Variants in CNBD1 observed in about 807,000 individuals in gnomAD.
CNBD1 encodes cyclic nucleotide-binding domain-containing protein 1.
In CNBD1, 71 loss-of-function variants were observed where a neutral mutation model predicts 54.4. The ratio of observed to expected loss-of-function variants is 1.30; its 90% CI spans 1.08 to 1.59. CNBD1 has a LOEUF of 1.59. Ranked by LOEUF, CNBD1 falls within the 40% of genes most tolerant of loss-of-function variation. CNBD1 has a pLI of 0.00. For synonymous variants in CNBD1, 182 were observed against 170.7 expected (o/e 1.07, Z -0.51); for missense variants, 659 against 518.0 (o/e 1.27, Z -2.64).
intron 4 of CNBD1, among the ~76,000 whole-genome samples, chr8:87,067,225 A>G (rs1810672824): frequency 6.6e-6 from 1 of 151,982 alleles, no homozygotes; most frequent in Non-Finnish European, 1.5e-5. Flanking sequence ...TTAAATATTG[A>G]CAATTTGACC....
intron 4 of CNBD1, among the ~76,000 whole-genome samples, chr8:87,170,380 T>C (rs1482733635): frequency 6.6e-6 from 1 of 152,162 alleles, no homozygotes; most frequent in Non-Finnish European, 1.5e-5. Context: ...TAATTTGACT[T>C]CTTCCTTTTC....
At chr8:87,345,554 C>A (rs1040842705) in intron 8 of CNBD1, among the ~76,000 whole-genome samples, 2 of 152,090 alleles carry the variant, frequency 1.3e-5, no homozygotes, top group African/African-American at 2.4e-5. Flanking sequence ...ACTACATCAA[C>A]AAGAATCAAT....
At chr8:87,082,096 C>T (rs1811006933) in intron 4 of CNBD1, among the ~76,000 whole-genome samples, 1 of 152,212 alleles carries the variant, frequency 6.6e-6, no homozygotes, top group Non-Finnish European at 1.5e-5. Context: ...TGCACGTATA[C>T]ATCCAGATGA....
At chr8:87,204,032 G>T (rs1298639388) in intron 4 of CNBD1, among the ~76,000 whole-genome samples, 1 of 152,156 alleles carries the variant, frequency 6.6e-6, no homozygotes, top group African/African-American at 2.4e-5. Flanking sequence ...GGGAGGTTTT[G>T]TCTTATCTTT....
At chr8:87,368,252 G>C (rs906907851) in intron 10 of CNBD1, among the ~76,000 whole-genome samples, 1 of 151,920 alleles carries the variant, frequency 6.6e-6, no homozygotes, top group African/African-American at 2.4e-5. Context: ...GTAGAAATTT[G>C]TTCTTGATTG....
chr8:87,086,733 TA>T (rs2043128562), intron 4 of CNBD1, among the ~76,000 whole-genome samples: 2 of 152,330 alleles, frequency 1.3e-5, no homozygotes, highest in Non-Finnish European at 2.9e-5. Context: ...ATACAAATGA[TA>T]AAATTGATTT....
chr8:87,399,664 A>T (rs762649076), intron 2 of CNBD1, among the ~76,000 whole-genome samples: 1 of 151,954 alleles, frequency 6.6e-6, no homozygotes, highest in Non-Finnish European at 1.5e-5. Flanking sequence ...CATTCTAAGG[A>T]GTGCTTTTCA....
chr8:86,951,706 C>T (rs1807630380), intron 4 of CNBD1, among the ~76,000 whole-genome samples: 1 of 138,416 alleles, frequency 7.2e-6, no homozygotes, highest in Admixed American at 7.5e-5. Flanking sequence ...GTTTAATTTA[C>T]AGTTATTTTA....
At chr8:87,318,775 C>A (rs951302806) in intron 8 of CNBD1, among the ~76,000 whole-genome samples, 3 of 152,016 alleles carry the variant, frequency 2.0e-5, no homozygotes, top group Admixed American at 6.6e-5. Flanking sequence ...TATATTGTAT[C>A]AGGCTGACCA....
At chr8:87,251,910 AT>A (rs139251188) in intron 6 of CNBD1, among the ~76,000 whole-genome samples, 15 of 150,264 alleles carry the variant, frequency 1.0e-4, no homozygotes, top group East Asian at 3.9e-4. Flanking sequence ...TGAAGAAAGT[AT>A]TTTTTTTTTC....
At chr8:87,377,927 G>T (rs984909677) in intron 10 of CNBD1, among the ~76,000 whole-genome samples, 1 of 149,268 alleles carries the variant, frequency 6.7e-6, no homozygotes, top group Non-Finnish European at 1.5e-5. Flanking sequence ...TTTTTCATGT[G>T]TTTTTTGGCT....
At chr8:86,928,186 G>T (rs1809396315) in intron 3 of CNBD1, among the ~76,000 whole-genome samples, 1 of 152,128 alleles carries the variant, frequency 6.6e-6, no homozygotes, top group Non-Finnish European at 1.5e-5. Context: ...TCTTGCCAAA[G>T]AAGTTATATC....
At chr8:87,408,721 T>C (rs1807690859) in intron 2 of CNBD1, among the ~76,000 whole-genome samples, 1 of 152,120 alleles carries the variant, frequency 6.6e-6, no homozygotes, top group South Asian at 2.1e-4. Flanking sequence ...TATATGCTAA[T>C]TTTGTGTCTC....
intron 4 of CNBD1, among the ~76,000 whole-genome samples, chr8:87,191,112 C>T (rs963075827): frequency 6.6e-6 from 1 of 151,840 alleles, no homozygotes; most frequent in Non-Finnish European, 1.5e-5. Flanking sequence ...CCAGTAGTGG[C>T]TCAGTCCAAA....
chr8:87,361,408 AAGAAC>A (rs2130936862), intron 10 of CNBD1, among the ~76,000 whole-genome samples: 1 of 152,030 alleles, frequency 6.6e-6, no homozygotes, highest in African/African-American at 2.4e-5. Context: ...TGAAAATAAA[AAGAAC>A]AGAGGAAAAT....
chr8:87,125,692 C>T (rs149810148), intron 4 of CNBD1, among the ~76,000 whole-genome samples: 1 of 151,750 alleles, frequency 6.6e-6, no homozygotes, highest in Non-Finnish European at 1.5e-5. Flanking sequence ...AATAACCAAA[C>T]AATAGGCTGT....
intron 8 of CNBD1, among the ~76,000 whole-genome samples, chr8:87,300,501 G>A (rs1376846020): frequency 6.6e-6 from 1 of 152,138 alleles, no homozygotes; most frequent in Non-Finnish European, 1.5e-5. Flanking sequence ...CTAAAATTTT[G>A]TAGCTATACT....
intron 2 of CNBD1, among the ~76,000 whole-genome samples, chr8:87,411,397 C>CAT (rs6150689): frequency 0.38 from 35,188 of 92,290 alleles, 7,172 homozygotes; most frequent in Non-Finnish European, 0.46. Context: ...CTAGCTATAT[C>CAT]ATATATATAT....
At chr8:87,410,616 T>G (rs1360363600) in intron 2 of CNBD1, among the ~76,000 whole-genome samples, 3 of 152,150 alleles carry the variant, frequency 2.0e-5, no homozygotes, top group East Asian at 3.9e-4. Context: ...ATAAACTTAG[T>G]GAAGCAATGA....
Sources: allele counts gnomAD v4.1 joint callset (sites outside exome capture counted in the v4.1 genomes callset), GRCh38; gene constraint gnomAD v4.1.1; transcripts MANE v1.5; gene names NCBI Gene and HGNC (gene_info 2026-07-23, HGNC 2026-07-21).